Variants in TEX11 observed in about 807,000 individuals in gnomAD.
TEX11 encodes testis expressed 11.
Under a neutral mutation model 84.4 loss-of-function variants are expected in TEX11, and 7 were observed. The ratio of observed to expected loss-of-function variants is 0.08; its 90% CI spans 0.05 to 0.16. The LOEUF is 0.16. TEX11 is among the 10% of genes least tolerant of loss of function. The pLI is 1.00. For synonymous variants in TEX11, 264 were observed against 222.8 expected, an observed-to-expected ratio of 1.18 and a Z score of -1.64; for missense variants, 551 against 660.5, an observed-to-expected ratio of 0.83 and a Z score of 1.82.
At chrX:70,825,848 G>C (rs1181616689) in intron 8 of TEX11, among the ~76,000 whole-genome samples, 1 of 110,454 alleles carries the variant, frequency 9.1e-6, no homozygotes, top group African/African-American at 3.3e-5. Flanking sequence ...GTAGTGGCAG[G>C]AGCCTGTAAT....
intron 9 of TEX11, among the ~76,000 whole-genome samples, chrX:70,789,625 G>A (rs1022238939): frequency 4.5e-5 from 5 of 111,943 alleles, no homozygotes; most frequent in Non-Finnish European, 9.4e-5. Flanking sequence ...ATGATTATGG[G>A]GAGACGAAAG....
chrX:70,841,095 C>T (rs1284777091), intron 7 of TEX11, among the ~76,000 whole-genome samples: 15 of 110,824 alleles, frequency 1.4e-4, no homozygotes, highest in Non-Finnish European at 2.5e-4. Flanking sequence ...AACAAGGATA[C>T]CCAGGAATTG....
intron 17 of TEX11, among the ~76,000 whole-genome samples, chrX:70,639,617 C>A (rs965240799): frequency 2.7e-5 from 3 of 111,569 alleles, no homozygotes; most frequent in Non-Finnish European, 5.7e-5. Flanking sequence ...GACCCCTGAC[C>A]CCCAAGCAGC....
chrX:70,627,934 A>G (rs182933747), intron 18 of TEX11, among the ~76,000 whole-genome samples: 156 of 111,888 alleles, frequency 1.4e-3, no homozygotes, highest in African/African-American at 4.8e-3. Flanking sequence ...CATCAACATA[A>G]TAATAAAAGT....
intron 17 of TEX11, among the ~76,000 whole-genome samples, chrX:70,637,819 T>G (rs2089593385): frequency 9.0e-6 from 1 of 111,134 alleles, no homozygotes; most frequent in Non-Finnish European, 1.9e-5. Context: ...GATGCTGGAC[T>G]TAACACCTAG....
rs985484733 is a variant in TEX11 at position 70,856,963 on chromosome X, G to C, written c.325-3635C>G. On this transcript the variant is annotated intron_variant, in intron 5 of 29. Coordinates refer to ENST00000374333, the MANE Select transcript of TEX11 (RefSeq NM_031276.3). ...GATTTTAAGAAACCAATTGGAGAGG[G>C]GGTGGGAGGACTAGATATTTGATTT... 3.0e-4 allele frequency among the ~76,000 whole-genome samples: 33 copies of C among 111,442 alleles called. 1 individual carries two copies. The highest frequency in any genetic ancestry group is 1.0e-3 in the African/African-American group (32 of 30,671).
At chrX:70,792,496 AAAAC>A (rs2091130655) in intron 9 of TEX11, among the ~76,000 whole-genome samples, 1 of 102,406 alleles carries the variant, frequency 9.8e-6, no homozygotes, top group Non-Finnish European at 2.0e-5. Context: ...TAGAAAAACA[AAAAC>A]AAACTAACCT....
chrX:70,771,299 A>C (rs1019143803), intron 9 of TEX11, among the ~76,000 whole-genome samples: 1 of 112,404 alleles, frequency 8.9e-6, no homozygotes, highest in Admixed American at 9.4e-5. Flanking sequence ...TATAAGTCAA[A>C]GAAGTAATGT....
chrX:70,619,090 G>C (rs1027657471), intron 20 of TEX11, among the ~76,000 whole-genome samples: 3 of 111,378 alleles, frequency 2.7e-5, no homozygotes, highest in Admixed American at 9.5e-5. Flanking sequence ...ACACTGGCAT[G>C]ATGACAATAT....
intron 2 of TEX11, among the ~76,000 whole-genome samples, chrX:70,890,980 G>A (rs1324635049): frequency 1.8e-5 from 2 of 111,954 alleles, no homozygotes; most frequent in East Asian, 2.8e-4. Flanking sequence ...TCATACAGGC[G>A]GGTGCCCCTC....
At chrX:70,750,966 A>AT in intron 9 of TEX11, among the ~76,000 whole-genome samples, 1 of 84,480 alleles carries the variant, frequency 1.2e-5, no homozygotes. Flanking sequence ...ATATATATAT[A>AT]AAAGTCAGGA....
intron 25 of TEX11, among the ~76,000 whole-genome samples, chrX:70,580,026 A>G (rs1278795576): frequency 8.9e-6 from 1 of 112,310 alleles, no homozygotes; most frequent in African/African-American, 3.2e-5. Context: ...AGCACTATTC[A>G]CAATAGCCAA....
chrX:70,863,589 CA>C (rs1172406511), intron 4 of TEX11, among the ~76,000 whole-genome samples: 1 of 111,758 alleles, frequency 8.9e-6, no homozygotes, highest in Non-Finnish European at 1.9e-5. Flanking sequence ...CCTCAAAGAT[CA>C]AAAAGGTAGA....
chrX:70,774,539 T>A (rs1473052639), intron 9 of TEX11, among the ~76,000 whole-genome samples: 1 of 111,231 alleles, frequency 9.0e-6, no homozygotes, highest in Non-Finnish European at 1.9e-5. Flanking sequence ...AAAATCAACA[T>A]ACAAAAATCA....
chrX:70,773,972 T>C (rs1269180884), intron 9 of TEX11, among the ~76,000 whole-genome samples: 1 of 110,764 alleles, frequency 9.0e-6, no homozygotes, highest in Admixed American at 9.7e-5. Context: ...TTGTGGACTC[T>C]TGCAATCCTA....
chrX:70,862,397 A>G (rs2091575008), intron 4 of TEX11, among the ~76,000 whole-genome samples: 1 of 111,763 alleles, frequency 8.9e-6, no homozygotes, highest in Non-Finnish European at 1.9e-5. Context: ...CTATGCTAAC[A>G]CCACTTCTAA....
chrX:70,682,397 C>T (rs1323619532), intron 14 of TEX11, among the ~76,000 whole-genome samples: 9 of 111,415 alleles, frequency 8.1e-5, no homozygotes, highest in African/African-American at 2.9e-4. Context: ...TTAAATTAGG[C>T]TTGTAACCTC....
chrX:70,737,892 G>C (rs1479150478), intron 11 of TEX11, among the ~76,000 whole-genome samples: 2 of 111,268 alleles, frequency 1.8e-5, no homozygotes, highest in African/African-American at 6.5e-5. Context: ...AAATAGTATG[G>C]CTGATATGCA....
intron 15 of TEX11, chrX:70,672,838 T>G (rs1346178319): frequency 9.0e-6 from 1 of 111,401 alleles, no homozygotes; most frequent in African/African-American, 3.3e-5. Context: ...AATTTTCACT[T>G]TATTTTCTTC....
Sources: gnomAD v4.1 joint callset for allele counts (sites outside exome capture counted in the v4.1 genomes callset) on GRCh38, gnomAD v4.1.1 for gene constraint, MANE v1.5 for transcripts, NCBI Gene and HGNC (gene_info 2026-07-23, HGNC 2026-07-21) for gene names.